Variants in RPL28 observed in about 807,000 individuals in gnomAD.
The protein encoded by RPL28 is ribosomal protein L28, also known as large ribosomal subunit protein eL28.
RPL28 carries 4 observed loss-of-function variants against 12.5 expected under a neutral mutation model. That is an observed-to-expected ratio of 0.32 (90% CI 0.16 to 0.73). The LOEUF is 0.73. RPL28 is among the 30% of genes least tolerant of loss of function. RPL28 has a pLI of 0.66. For synonymous variants in RPL28, 91 were observed against 72.5 expected, an observed-to-expected ratio of 1.26 and a Z score of -1.30; for missense variants, 214 against 197.7, an observed-to-expected ratio of 1.08 and a Z score of -0.49.
chr19:55,391,029 CA>C lies in RPL28; in HGVS notation c.*2700del, dbSNP rs2089985486. ...TCACCATAGTAAAAATGCTGAAAGCCAAAGACAAAATTGGGAGAACAAAAGA... is the reference window on the plus strand; with the variant it reads ...TCACCATAGTAAAAATGCTGAAAGCCAAGACAAAATTGGGAGAACAAAAGA... On this transcript the variant is annotated 3_prime_UTR_variant, in exon 5 of 5. Coordinates refer to ENST00000344063, the MANE Select transcript of RPL28 (RefSeq NM_000991.5). 2 of 908,878 alleles carry C rather than the reference CA, an allele frequency of 2.2e-6. No homozygotes were observed. Among genetic ancestry groups the C allele is most frequent in the Non-Finnish European group, 2.6e-6 (2 of 760,250 alleles). 56.3% of individuals were successfully genotyped at this position (908,878 alleles called of 1,614,324 possible). A position where few individuals can be genotyped will look rare whatever the true frequency, so the allele number is the denominator to read the frequency against.
chr19:55,387,092 T>C, intron 3 of RPL28: 1 of 1,399,132 alleles, frequency 7.1e-7, no homozygotes, highest in Admixed American at 2.6e-5. Context: ...ACAGGCTGGG[T>C]TGGTTGCAGC....
downstream of RPL28, among the ~76,000 whole-genome samples, chr19:55,396,474 TTCTCCCC>T (rs1229865429): frequency 4.4e-5 from 1 of 22,786 alleles, no homozygotes; most frequent in African/African-American, 6.0e-4. Flanking sequence ...TTTAGGAAAG[TTCTCCCC>T]CCTCCCCTCC....
At chr19:55,387,480 C>G (rs1242308623) in intron 3 of RPL28, 2 of 1,467,444 alleles carry the variant, frequency 1.4e-6, no homozygotes, top group Non-Finnish European at 1.8e-6. Flanking sequence ...CTTGGATTGC[C>G]GAATACATGG....
rs1470993522 is a variant in RPL28, at chr19:55,385,942, C to T, written c.-32C>T. 2 of 238,308 alleles carry T rather than the reference C, an allele frequency of 8.4e-6. No homozygotes were observed. Among genetic ancestry groups the T allele is most frequent in the African/African-American group, 2.2e-5 (1 of 44,830 alleles). The allele number at this position is 238,308 out of a possible 1,614,324, so 14.8% of individuals were successfully genotyped here. On this transcript the variant is annotated 5_prime_UTR_variant, in exon 1 of 5. Coordinates refer to ENST00000344063, the MANE Select transcript of RPL28 (RefSeq NM_000991.5). The stretch of plus-strand genomic sequence containing the variant: ...TCGCCCCTCGCCTTCCTCTTTCCGT[C>T]TCAGGTCGCCGCTGCGAAGGGAGGT...
intron 2 of RPL28, 60 bp from the exon 3 acceptor site, chr19:55,386,509 CG>C: frequency 6.3e-7 from 1 of 1,598,468 alleles, no homozygotes; most frequent in Non-Finnish European, 8.6e-7. Flanking sequence ...GGTCAGAGGG[CG>C]GGACCTTCGC....
chr19:55,403,110 T>A, exon 5 of RPL28: 1 of 902,334 alleles, frequency 1.1e-6, no homozygotes, highest in Non-Finnish European at 1.8e-6. Context: ...CACTAGATGC[T>A]AGTGGCACCC....
At chr19:55,395,594 C>T (rs1449988328), downstream of RPL28, among the ~76,000 whole-genome samples, 2 of 151,988 alleles carry the variant, frequency 1.3e-5, no homozygotes, top group African/African-American at 2.4e-5. Context: ...CAGGCGCCCA[C>T]CACCACACCC....
intron 4 of RPL28, among the ~76,000 whole-genome samples, chr19:55,397,795 T>TGGGAGGA (rs2090033676): frequency 2.3e-5 from 2 of 87,224 alleles, no homozygotes; most frequent in Non-Finnish European, 4.7e-5. Flanking sequence ...AGGTGGGAGG[T>TGGGAGGA]GGGAGGTGGG....
intron 3 of RPL28, chr19:55,387,710 CTA>C (rs1469941591): frequency 7.1e-7 from 1 of 1,412,324 alleles, no homozygotes; most frequent in Non-Finnish European, 9.2e-7. Context: ...CAGAATTGGG[CTA>C]TGAGTGTGGC....
Position 55,403,007 on chromosome 19 carries a change from G to GCCTCCACCTCAGCAACA in RPL28, c.392_408dup (p.Ala137SerfsTer32). ...CTGGAGCACCAGCCTAGACCAGGAC[G>GCCTCCACCTCAGCAACA]CCTCCACCTCAGCAACACCGCAGCC... is the stretch of plus-strand genomic sequence containing the variant. On this transcript the variant is annotated frameshift_variant, in exon 5 of 5. Transcript: ENST00000560055. LOFTEE classifies it low-confidence loss of function (END_TRUNC). 3 of 1,530,694 alleles carry GCCTCCACCTCAGCAACA rather than the reference G, an allele frequency of 2.0e-6. No homozygotes were observed. The highest frequency in any genetic ancestry group is 1.8e-6 in the Non-Finnish European group (2 of 1,142,552). 94.8% of individuals were successfully genotyped at this position (1,530,694 alleles called of 1,614,324 possible). A position where few individuals can be genotyped will look rare whatever the true frequency, so the allele number is the denominator to read the frequency against.
At chr19:55,401,451 C>T (rs770149461) in intron 4 of RPL28, 87 of 1,604,408 alleles carry the variant, frequency 5.4e-5, no homozygotes, top group Admixed American at 1.2e-4. Context: ...GCCGCCGCAG[C>T]GCCCGCTTCT....
In RPL28 at chr19:55,391,591, CGGT is replaced by C. The variant is rs780358617; in HGVS notation, c.*3262_*3264del. 8 of 1,548,524 alleles carry C rather than the reference CGGT, an allele frequency of 5.2e-6. No homozygotes were observed. The highest frequency in any genetic ancestry group is 2.7e-5 in the African/African-American group (2 of 73,006). The stretch of plus-strand genomic sequence containing the variant: ...TCTACTGGGTCAGGGCTCTGCTGCT[CGGT>C]GGCTGTGCAACCTTGGGCAAGTTCC... On this transcript the variant is annotated 3_prime_UTR_variant, in exon 5 of 5. Coordinates refer to ENST00000344063, the MANE Select transcript of RPL28 (RefSeq NM_000991.5).
Position 55,388,434 on chromosome 19 carries a change from T to C in RPL28, c.*102T>C. 7.3e-7 allele frequency: 1 copy of C among 1,372,200 alleles called. No individual in the cohort carries two copies. Among genetic ancestry groups the C allele is most frequent in the Non-Finnish European group, 9.5e-7 (1 of 1,057,724 alleles). 85.0% of individuals were successfully genotyped at this position (1,372,200 alleles called of 1,614,324 possible). On this transcript the variant is annotated 3_prime_UTR_variant, in exon 5 of 5. Coordinates refer to ENST00000344063, the MANE Select transcript of RPL28 (RefSeq NM_000991.5). ...TGGGGAGCTCTGGCCCTGTGTGTTG[T>C]CATTCAGGCCATGTCATCAAAACTC...
rs559268536 is a variant in RPL28, at chr19:55,388,404, C to G, written c.*72C>G. ...CTCGACTGGGCCTCCCTTTTTGAAA[C>G]GCTCTGGGGAGCTCTGGCCCTGTGT... On this transcript the variant is annotated 3_prime_UTR_variant, in exon 5 of 5. Coordinates refer to ENST00000344063, the MANE Select transcript of RPL28 (RefSeq NM_000991.5). 3.3e-5 allele frequency: 47 copies of G among 1,419,332 alleles called. No homozygotes were observed. The highest frequency in any genetic ancestry group is 4.0e-5 in the Non-Finnish European group (43 of 1,083,190). 87.9% of individuals were successfully genotyped at this position (1,419,332 alleles called of 1,614,324 possible). A position where few individuals can be genotyped will look rare whatever the true frequency, so the allele number is the denominator to read the frequency against.
intron 4 of RPL28, among the ~76,000 whole-genome samples, chr19:55,402,276 A>G (rs1281362504): frequency 2.0e-5 from 3 of 152,246 alleles, no homozygotes; most frequent in Non-Finnish European, 4.4e-5. Flanking sequence ...CTTTCCAGAT[A>G]CAGCATAAAT....
In RPL28 at chr19:55,387,439, C is replaced by T. The variant is rs532779683; in HGVS notation, c.206-491C>T. On this transcript the variant is annotated intron_variant, in intron 3 of 4. Transcript: ENST00000344063. ...GCCAATTGCTTGGCACTTGGGGACCCCGTTCTGGGGAGTCCTGAAAGCTTT... is the reference window on the plus strand; with the variant it reads ...GCCAATTGCTTGGCACTTGGGGACCTCGTTCTGGGGAGTCCTGAAAGCTTT... The T allele has an allele frequency of 5.0e-5, 76 of 1,527,874 alleles. No homozygotes were observed. In the African/African-American group the frequency reaches 8.6e-4, roughly 17 times the overall value. 94.6% of individuals were successfully genotyped at this position (1,527,874 alleles called of 1,614,324 possible). A position where few individuals can be genotyped will look rare whatever the true frequency, so the allele number is the denominator to read the frequency against.
downstream of RPL28, among the ~76,000 whole-genome samples, chr19:55,393,998 C>T (rs1360660865): frequency 6.6e-6 from 1 of 151,352 alleles, no homozygotes; most frequent in East Asian, 2.0e-4. Context: ...TACGGTGGCT[C>T]ACTCCTGTAA....
Position 55,391,481 on chromosome 19 carries a change from T to C in RPL28, c.*3149T>C. 7.2e-7 allele frequency: 1 copy of C among 1,383,102 alleles called. No homozygotes were observed. The highest frequency in any genetic ancestry group is 9.5e-7 in the Non-Finnish European group (1 of 1,056,794). 85.7% of individuals were successfully genotyped at this position (1,383,102 alleles called of 1,614,324 possible). ...CCTGGAAGGCTGCCAAGCCCAAAGTTGTGCAGAGCGCTGGGGACTCCAGAC... is the reference window on the plus strand; with the variant it reads ...CCTGGAAGGCTGCCAAGCCCAAAGTCGTGCAGAGCGCTGGGGACTCCAGAC... On this transcript the variant is annotated 3_prime_UTR_variant, in exon 5 of 5. Coordinates refer to ENST00000344063, the MANE Select transcript of RPL28 (RefSeq NM_000991.5).
chr19:55,398,478 T>G (rs762655719), intron 4 of RPL28, among the ~76,000 whole-genome samples: 1 of 152,192 alleles, frequency 6.6e-6, no homozygotes, highest in Non-Finnish European at 1.5e-5. Flanking sequence ...CACTTGGTAT[T>G]CTCAGATTTA....
Sources: allele counts gnomAD v4.1 joint callset (sites outside exome capture counted in the v4.1 genomes callset), GRCh38; gene constraint gnomAD v4.1.1; transcripts MANE v1.5; gene names NCBI Gene and HGNC (gene_info 2026-07-23, HGNC 2026-07-21).